PREX2: variants seen among roughly 807,000 people sequenced by gnomAD.
PREX2 encodes phosphatidylinositol-3,4,5-trisphosphate dependent Rac exchange factor 2.
PREX2 carries 107 observed loss-of-function variants against 203.2 expected under a neutral mutation model. The observed-to-expected ratio is 0.53, with a 90% CI of 0.45 to 0.62. The LOEUF is 0.62. Ranked by LOEUF, PREX2 falls within the 20% of genes least tolerant of loss-of-function variation. The pLI is 0.00. For missense variants in PREX2, 1,777 were observed against 1,955.9 expected (o/e 0.91, Z 1.72); for synonymous variants, 672 against 663.6 (o/e 1.01, Z -0.19).
intron 6 of PREX2, among the ~76,000 whole-genome samples, chr8:68,032,667 A>G (rs1418989740): frequency 6.6e-6 from 1 of 152,200 alleles, no homozygotes; most frequent in African/African-American, 2.4e-5. Flanking sequence ...AGAGTCACAC[A>G]GGCTGAATTC....
At chr8:68,028,957 C>G (rs1807806334) in intron 5 of PREX2, among the ~76,000 whole-genome samples, 1 of 151,962 alleles carries the variant, frequency 6.6e-6, no homozygotes, top group Admixed American at 6.6e-5. Context: ...TGGATGACCT[C>G]CTTTCCGTTT....
At position 67,980,982 on chromosome 8, in the gene PREX2, A is replaced by G. The variant is rs150186424; in HGVS notation, c.141+28447A>G. ...CTTTCTTCATCACTTTGTCCATTCAACAACCTGGTGTAAGTAATCTAGGGG... is the reference window on the plus strand; with the variant it reads ...CTTTCTTCATCACTTTGTCCATTCAGCAACCTGGTGTAAGTAATCTAGGGG... On this transcript the variant is annotated intron_variant, in intron 1 of 39. Transcript: ENST00000288368. 2.2e-3 allele frequency among the ~76,000 whole-genome samples: 342 copies of G among 152,348 alleles called. 1 individual carries two copies. Among genetic ancestry groups the G allele is most frequent in the Admixed American group, 7.7e-3 (118 of 15,306 alleles).
At chr8:68,122,248 G>A (rs1012045158) in intron 30 of PREX2, among the ~76,000 whole-genome samples, 1 of 152,034 alleles carries the variant, frequency 6.6e-6, no homozygotes, top group Admixed American at 6.6e-5. Flanking sequence ...TAGTAGAAAG[G>A]AAATTTGTAC....
At chr8:68,112,221 A>G (rs904774623) in intron 25 of PREX2, among the ~76,000 whole-genome samples, 7 of 152,232 alleles carry the variant, frequency 4.6e-5, no homozygotes, top group African/African-American at 1.7e-4. Context: ...TTCACTTTGG[A>G]AAGTTAAAGA....
chr8:68,215,768 A>T (rs977339019), intron 37 of PREX2, among the ~76,000 whole-genome samples: 1 of 151,800 alleles, frequency 6.6e-6, no homozygotes, highest in African/African-American at 2.4e-5. Flanking sequence ...CAATCTTCTG[A>T]CCTTGTGATC....
chr8:68,068,927 CTA>C (rs542058661), intron 11 of PREX2, 104 bp from the exon 12 acceptor site: 11 of 460,092 alleles, frequency 2.4e-5, no homozygotes, highest in Non-Finnish European at 4.1e-5. Flanking sequence ...TTTTGTAAAA[CTA>C]AAAGTTTTAG....
chr8:68,192,321 C>CT lies in PREX2; in HGVS notation c.4414-7dup, dbSNP rs753312976. 4.5e-6 allele frequency: 7 copies of CT among 1,570,684 alleles called. No homozygotes were observed. Among genetic ancestry groups the CT allele is most frequent in the South Asian group, 2.3e-5 (2 of 86,090 alleles). ...AACATGTTGAACTTGACGTTCATCA[C>CT]TTTTTTTCTGCAGCTAATGAGGCCT... On this transcript the variant is annotated splice_polypyrimidine_tract_variant and intron_variant, in intron 36 of 39. Transcript: ENST00000288368.
chr8:68,060,128 G>T (rs1479996990), intron 10 of PREX2, among the ~76,000 whole-genome samples: 1 of 152,174 alleles, frequency 6.6e-6, no homozygotes, highest in Non-Finnish European at 1.5e-5. Flanking sequence ...GGGAATCTTG[G>T]TGTGGTGGGA....
In PREX2 at chr8:68,224,478, T is replaced by A. The variant is rs1430394273; in HGVS notation, c.4708-81T>A. 5.7e-6 allele frequency: 6 copies of A among 1,051,202 alleles called. No individual in the cohort carries two copies. The African/African-American group carries it at 9.3e-5, about 16-fold the overall frequency. The allele number at this position is 1,051,202 out of a possible 1,614,324, so 65.1% of individuals were successfully genotyped here. On this transcript the variant is annotated intron_variant, in intron 38 of 39. Coordinates refer to ENST00000288368, the MANE Select transcript of PREX2 (RefSeq NM_024870.4). ...ATGTTAAAGACATTGTTTGAATAAG[T>A]ATCCTACACACAAATGTTAATGGTA... is the stretch of plus-strand genomic sequence containing the variant.
chr8:68,135,613 C>A (rs994329220), intron 32 of PREX2, among the ~76,000 whole-genome samples: 3 of 152,124 alleles, frequency 2.0e-5, no homozygotes, highest in Non-Finnish European at 4.4e-5. Flanking sequence ...AATTTTGTCA[C>A]CCTCCTAAGT....
intron 1 of PREX2, among the ~76,000 whole-genome samples, chr8:67,975,694 CTTTTTTTTT>C (rs67614434): frequency 1.9e-4 from 14 of 75,014 alleles, no homozygotes; most frequent in East Asian, 1.6e-3. Flanking sequence ...ATTTCTCTTT[CTTTTTTTTT>C]TTTTTTTTTT....
intron 1 of PREX2, among the ~76,000 whole-genome samples, chr8:67,988,222 G>T (rs889707883): frequency 3.3e-5 from 5 of 152,108 alleles, no homozygotes; most frequent in African/African-American, 1.2e-4. Context: ...CCTCACTCTG[G>T]CATGGAACCA....
chr8:68,045,677 A>G (rs1808330543), intron 8 of PREX2, among the ~76,000 whole-genome samples: 1 of 152,118 alleles, frequency 6.6e-6, no homozygotes, highest in African/African-American at 2.4e-5. Context: ...GTGTTCATCC[A>G]GTAGAGAGGT....
chr8:68,127,280 G>A, intron 30 of PREX2, 98 bp from the exon 31 acceptor site: 2 of 918,848 alleles, frequency 2.2e-6, no homozygotes, highest in Non-Finnish European at 1.7e-6. Flanking sequence ...CATGAACCTA[G>A]TCCAATAAGA....
intron 30 of PREX2, among the ~76,000 whole-genome samples, chr8:68,126,123 A>T (rs1403741971): frequency 6.6e-6 from 1 of 152,082 alleles, no homozygotes; most frequent in East Asian, 1.9e-4. Flanking sequence ...TTGTTAGATA[A>T]TTGTTATTCA....
chr8:68,119,256 T>TAAC (rs1810719245), intron 27 of PREX2, among the ~76,000 whole-genome samples, 176 bp from the exon 28 acceptor site: 1 of 152,212 alleles, frequency 6.6e-6, no homozygotes, highest in Admixed American at 6.5e-5. Context: ...GAAGAAATAG[T>TAAC]AACATCCCAG....
chr8:68,019,910 G>A (rs1252186094), intron 3 of PREX2, among the ~76,000 whole-genome samples: 1 of 152,082 alleles, frequency 6.6e-6, no homozygotes, highest in Admixed American at 6.5e-5. Flanking sequence ...TTAGTTCTTC[G>A]CATCCTCTGT....
At chr8:68,007,869 A>G (rs1237144700) in intron 1 of PREX2, among the ~76,000 whole-genome samples, 2 of 152,198 alleles carry the variant, frequency 1.3e-5, no homozygotes, top group African/African-American at 4.8e-5. Flanking sequence ...TCGGCCTCCC[A>G]AAGTGCTGGG....
In PREX2 at chr8:67,952,374, C is replaced by G; in HGVS notation, c.-21C>G. ...GCGCTCAGCACGGCGGGCAGCGCCG[C>G]GCTGCGCACCGCCGCCGACCATGAG... On this transcript the variant is annotated 5_prime_UTR_variant, in exon 1 of 40. Transcript: ENST00000288368. 1 of 1,518,306 alleles carries G rather than the reference C, an allele frequency of 6.6e-7. No individual in the cohort carries two copies. Among genetic ancestry groups the G allele is most frequent in the South Asian group, 1.2e-5 (1 of 80,738 alleles). The allele number at this position is 1,518,306 out of a possible 1,614,324, so 94.1% of individuals were successfully genotyped here.
Sources: gnomAD v4.1 joint callset for allele counts (sites outside exome capture counted in the v4.1 genomes callset) on GRCh38, gnomAD v4.1.1 for gene constraint, MANE v1.5 for transcripts, NCBI Gene and HGNC (gene_info 2026-07-23, HGNC 2026-07-21) for gene names.